HECTD4: variants seen among roughly 807,000 people sequenced by gnomAD.
HECTD4 encodes probable E3 ubiquitin-protein ligase HECTD4.
Under a neutral mutation model 471.5 loss-of-function variants are expected in HECTD4, and 114 were observed. The ratio of observed to expected loss-of-function variants is 0.24; its 90% CI spans 0.21 to 0.28. The LOEUF is 0.28. Ranked by LOEUF, HECTD4 falls within the 10% of genes least tolerant of loss-of-function variation. The pLI is 1.00. For synonymous variants in HECTD4, 2,012 were observed against 2,256.0 expected, an observed-to-expected ratio of 0.89 and a Z score of 3.07; for missense variants, 3,866 against 5,651.5, an observed-to-expected ratio of 0.68 and a Z score of 10.13.
chr12:112,249,067 T>C (rs1416141279), intron 25 of HECTD4, among the ~76,000 whole-genome samples: 1 of 152,170 alleles, frequency 6.6e-6, no homozygotes, highest in Non-Finnish European at 1.5e-5. Flanking sequence ...CTGATAAAGC[T>C]GAAAATCAAG....
intron 1 of HECTD4, among the ~76,000 whole-genome samples, chr12:112,324,950 T>G (rs928844550): frequency 6.6e-6 from 1 of 152,208 alleles, no homozygotes; most frequent in South Asian, 2.1e-4. Context: ...AATCATCTAC[T>G]TATGTTATAT....
At position 112,213,914 on chromosome 12, in the gene HECTD4, C is replaced by A. The variant is rs1457193434; in HGVS notation, c.7466-1264G>T. Among the ~76,000 whole-genome samples the A allele has an allele frequency of 6.0e-5, 9 of 151,250 alleles. No individual in the cohort carries two copies. Among genetic ancestry groups the A allele is most frequent in the African/African-American group, 1.9e-4 (8 of 41,166 alleles). ...GTGTGTGCCTATGGTCCCAGTTACT[C>A]AGGAGGCTGAGATGGGAGGGTCACT... On this transcript the variant is annotated intron_variant, in intron 48 of 75. Transcript: ENST00000682272. This position sits in a 1 kb window ranked among gnomAD's most constrained non-coding sequence, Gnocchi z 4.0.
chr12:112,243,609 A>G lies in HECTD4; in HGVS notation c.4791+11T>C. ...GTGCTATTCATCTGGAGCCCGCAAA[A>G]TGTGACGTACAGCTTGGTCAGGGTT... On this transcript the variant is annotated intron_variant, in intron 31 of 75. Transcript: ENST00000682272. The surrounding 1 kb of genome is among the most constrained non-coding windows in gnomAD (Gnocchi z 6.6). 2 of 1,608,208 alleles carry G rather than the reference A, an allele frequency of 1.2e-6. No individual in the cohort carries two copies. Among genetic ancestry groups the G allele is most frequent in the East Asian group, 2.2e-5 (1 of 44,696 alleles).
intron 1 of HECTD4, among the ~76,000 whole-genome samples, chr12:112,367,009 T>C (rs2135755988): frequency 6.7e-6 from 1 of 149,884 alleles, no homozygotes; most frequent in South Asian, 2.1e-4. Flanking sequence ...AGGGAGAAAA[T>C]GCTAAATTTT....
rs193144017 is a variant in HECTD4 at position 112,266,924 on chromosome 12, C to T, written c.2380G>A (p.Val794Ile). Reference protein sequence around the residue: ...ETEINNLLKLVLTEGERNSGL... With the variant: ...ETEINNLLKLILTEGERNSGL... ...GGATAATTCTTACCTTCTGTTAAGACCAGTTTAAGTAAGTTATTGATTTCA... is the reference window on the plus strand; with the variant it reads ...GGATAATTCTTACCTTCTGTTAAGATCAGTTTAAGTAAGTTATTGATTTCA... Residue 794 changes from valine (V) to isoleucine (I), a missense_variant, in exon 14 of 76, where the codon GTC becomes ATC. By Grantham distance (29) the Val-to-Ile change is conservative. Around this residue, in one of 16 missense-constraint regions of HECTD4, gnomAD observed 525 missense variants for 672.6 expected, o/e 0.78. Coordinates refer to ENST00000682272, the MANE Select transcript of HECTD4 (RefSeq NM_001388303.1). The T allele has an allele frequency of 6.7e-7, 1 of 1,499,958 alleles. No homozygotes were observed. The highest frequency in any genetic ancestry group is 1.2e-5 in the South Asian group (1 of 82,818). 92.9% of individuals were successfully genotyped at this position (1,499,958 alleles called of 1,614,324 possible).
At chr12:112,341,222 C>A (rs1594059176) in intron 1 of HECTD4, among the ~76,000 whole-genome samples, 1 of 152,180 alleles carries the variant, frequency 6.6e-6, no homozygotes, top group South Asian at 2.1e-4. Flanking sequence ...TGCTAGGGAA[C>A]ATACATGCTC....
chr12:112,203,943 G>T (rs2032501207), intron 53 of HECTD4, among the ~76,000 whole-genome samples, 171 bp from the exon 54 acceptor site: 1 of 152,158 alleles, frequency 6.6e-6, no homozygotes, highest in Non-Finnish European at 1.5e-5. Context: ...AACCAAGCAA[G>T]AACACAACTC....
At chr12:112,187,705 T>C (rs561235756) in intron 60 of HECTD4, among the ~76,000 whole-genome samples, 11 of 146,838 alleles carry the variant, frequency 7.5e-5, no homozygotes, top group African/African-American at 2.3e-4. Flanking sequence ...CGGCTCACTG[T>C]AAGCTCCGCC....
Position 112,163,453 on chromosome 12 carries a change from G to C in HECTD4, c.12897+89C>G. ...AAGGACAGAGCTGAGACAGGCCACT[G>C]CCGATGCCTGCTGCTGGAGTTGAGG... On this transcript the variant is annotated intron_variant, in intron 74 of 75. Coordinates refer to ENST00000682272, the MANE Select transcript of HECTD4 (RefSeq NM_001388303.1). This position sits in a 1 kb window ranked among gnomAD's most constrained non-coding sequence, Gnocchi z 8.2. The C allele has an allele frequency of 2.5e-6, 3 of 1,211,378 alleles. No individual in the cohort carries two copies. The highest frequency in any genetic ancestry group is 3.4e-6 in the Non-Finnish European group (3 of 882,500). 75.0% of individuals were successfully genotyped at this position (1,211,378 alleles called of 1,614,324 possible).
intron 1 of HECTD4, among the ~76,000 whole-genome samples, chr12:112,367,748 G>A (rs1377381217): frequency 1.3e-5 from 2 of 149,124 alleles, no homozygotes; most frequent in Non-Finnish European, 3.0e-5. Flanking sequence ...TTGAACCCGG[G>A]AGGCAGAGGT....
chr12:112,204,386 T>G, intron 53 of HECTD4, 100 bp downstream of exon 53: 1 of 1,158,944 alleles, frequency 8.6e-7, no homozygotes, highest in Non-Finnish European at 1.2e-6. Context: ...GTAAGGAGAG[T>G]CACCCTAGGA....
intron 45 of HECTD4, 132 bp downstream of exon 45, chr12:112,219,254 T>C (rs2033020323): frequency 3.7e-6 from 2 of 533,616 alleles, no homozygotes; most frequent in East Asian, 3.1e-5. Flanking sequence ...AAAGAGGGCA[T>C]GTCACTGCAA....
At chr12:112,298,337 C>T (rs750482044) in intron 7 of HECTD4, among the ~76,000 whole-genome samples, 1 of 152,062 alleles carries the variant, frequency 6.6e-6, no homozygotes, top group African/African-American at 2.4e-5. Flanking sequence ...AAAATTCTGT[C>T]CCCTAGCCCC....
chr12:112,353,357 C>T (rs948477314), intron 1 of HECTD4, among the ~76,000 whole-genome samples: 2 of 152,200 alleles, frequency 1.3e-5, no homozygotes, highest in Non-Finnish European at 2.9e-5. Flanking sequence ...AAACATGCTA[C>T]TGAGAGAAAA....
At chr12:112,360,119 G>A (rs1386639599) in intron 1 of HECTD4, among the ~76,000 whole-genome samples, 1 of 152,186 alleles carries the variant, frequency 6.6e-6, no homozygotes, top group Non-Finnish European at 1.5e-5. Context: ...GAAAGCTAGA[G>A]TATTTCTAGA....
At chr12:112,282,725 A>G (rs2034670958) in intron 8 of HECTD4, among the ~76,000 whole-genome samples, 1 of 152,238 alleles carries the variant, frequency 6.6e-6, no homozygotes, top group African/African-American at 2.4e-5. Flanking sequence ...ATTCTAAAAA[A>G]CAAAATATCT....
chr12:112,370,965 C>T (rs1279655454), intron 1 of HECTD4, among the ~76,000 whole-genome samples: 3 of 152,110 alleles, frequency 2.0e-5, no homozygotes, highest in Non-Finnish European at 4.4e-5. Context: ...CTTGTGTTCA[C>T]CCCACAACCA....
At chr12:112,286,830 C>T (rs2034764578) in intron 7 of HECTD4, among the ~76,000 whole-genome samples, 2 of 152,198 alleles carry the variant, frequency 1.3e-5, no homozygotes, top group Admixed American at 6.5e-5. Flanking sequence ...ACCTCCTCAG[C>T]ATCATCTGCC....
chr12:112,230,555 G>T, intron 40 of HECTD4, 132 bp downstream of exon 40: 1 of 1,081,318 alleles, frequency 9.2e-7, no homozygotes, highest in Non-Finnish European at 1.3e-6. Context: ...AACTTCCAGG[G>T]GAAAGTCAGT....
Sources: gnomAD v4.1 joint callset for allele counts (sites outside exome capture counted in the v4.1 genomes callset) on GRCh38, gnomAD v4.1.1 for gene constraint, gnomAD v4.1.1 regional missense constraint, Gnocchi (gnomAD v3.1) non-coding constraint, MANE v1.5 for transcripts, NCBI Gene and HGNC (gene_info 2026-07-23, HGNC 2026-07-21) for gene names.